Variants in MTIF2 observed in about 807,000 individuals in gnomAD.
MTIF2 encodes the protein translation initiation factor IF-2, mitochondrial.
MTIF2 carries 71 observed loss-of-function variants against 83.5 expected under a neutral mutation model. The ratio of observed to expected loss-of-function variants is 0.85; its 90% CI spans 0.70 to 1.04. The LOEUF is 1.04. Among genes scored for constraint, MTIF2 ranks in the 50% least tolerant of loss-of-function variants. The pLI, the probability that MTIF2 is intolerant of heterozygous loss-of-function variation, is 0.00. For synonymous variants in MTIF2, 319 were observed against 287.1 expected (o/e 1.11, Z -1.12); for missense variants, 957 against 846.5 (o/e 1.13, Z -1.62).
At chr2:55,254,426 T>G (rs892369191) in intron 6 of MTIF2, among the ~76,000 whole-genome samples, 1 of 152,174 alleles carries the variant, frequency 6.6e-6, no homozygotes, top group South Asian at 2.1e-4. Context: ...TGAATCAAAT[T>G]TGAAAATTCA....
Position 55,262,447 on chromosome 2 carries a change from A to C in MTIF2, c.220-20T>G. ...TTCTTCCTATTAAAAAAATCAGAAC[A>C]TATAAACAAAAAGGAAGAAAAAACT... On this transcript the variant is annotated intron_variant, in intron 4 of 15. Coordinates refer to ENST00000263629, the MANE Select transcript of MTIF2 (RefSeq NM_002453.3). 1 of 1,530,690 alleles carries C rather than the reference A, an allele frequency of 6.5e-7. No homozygotes were observed. Among genetic ancestry groups the C allele is most frequent in the Non-Finnish European group, 9.0e-7 (1 of 1,115,620 alleles). The allele number at this position is 1,530,690 out of a possible 1,614,324, so 94.8% of individuals were successfully genotyped here.
chr2:55,262,047 T>C (rs1388886006), intron 5 of MTIF2, among the ~76,000 whole-genome samples: 2 of 151,812 alleles, frequency 1.3e-5, no homozygotes, highest in Non-Finnish European at 2.9e-5. Context: ...TTTATTCTAA[T>C]AGCCCACAAA....
At chr2:55,244,579 A>G (rs1045448119) in intron 10 of MTIF2, among the ~76,000 whole-genome samples, 2 of 152,212 alleles carry the variant, frequency 1.3e-5, no homozygotes, top group African/African-American at 4.8e-5. Context: ...TCCAAAGAAA[A>G]TGTGGATTTT....
At position 55,244,246 on chromosome 2, in the gene MTIF2, T is replaced by C. The variant is rs61109509; in HGVS notation, c.1107-13A>G. 0.13 allele frequency: 201,732 copies of C among 1,582,130 alleles called. 14,168 individuals carry two copies. Among genetic ancestry groups the C allele is most frequent in the East Asian group, 0.29 (12,879 of 44,616 alleles). On this transcript the variant is annotated splice_polypyrimidine_tract_variant and intron_variant, in intron 10 of 15. Transcript: ENST00000263629. ...TGTAGTAACAAGACTAAAATGAAAA[T>C]AAAAGTATATTTTCAATGTCATAAT...
At chr2:55,262,811 C>A (rs1311586914) in intron 4 of MTIF2, among the ~76,000 whole-genome samples, 1 of 152,124 alleles carries the variant, frequency 6.6e-6, no homozygotes, top group African/African-American at 2.4e-5. Flanking sequence ...TCACTGAAAC[C>A]TCCACCTCCC....
In MTIF2 at chr2:55,264,856, C is replaced by T. The variant is rs139058616; in HGVS notation, c.-7-991G>A. Among the ~76,000 whole-genome samples, 1,095 of 152,196 alleles carry T rather than the reference C, an allele frequency of 7.2e-3. 2 individuals are homozygous for T. The highest frequency in any genetic ancestry group is 0.011 in the Non-Finnish European group (769 of 68,014). On this transcript the variant is annotated intron_variant, in intron 3 of 15. Coordinates refer to ENST00000263629, the MANE Select transcript of MTIF2 (RefSeq NM_002453.3). The stretch of plus-strand genomic sequence containing the variant: ...TTAGTAATATAGTTCTTTTCCTCCC[C>T]GTGGCCTCTATTGCCTCTGCTCTCA...
At chr2:55,257,760 A>G (rs1428583815) in intron 5 of MTIF2, among the ~76,000 whole-genome samples, 1 of 152,182 alleles carries the variant, frequency 6.6e-6, no homozygotes, top group Non-Finnish European at 1.5e-5. Context: ...GTAAAATGCA[A>G]TAAAATAACT....
intron 13 of MTIF2, among the ~76,000 whole-genome samples, chr2:55,241,829 G>A (rs1676336819): frequency 6.6e-6 from 1 of 151,786 alleles, no homozygotes; most frequent in African/African-American, 2.4e-5. Flanking sequence ...GTTGACAAAA[G>A]CAAAACTCCG....
At chr2:55,241,396 C>T (rs1490969040) in intron 13 of MTIF2, among the ~76,000 whole-genome samples, 39 of 139,800 alleles carry the variant, frequency 2.8e-4, no homozygotes, top group Non-Finnish European at 5.7e-4. Flanking sequence ...CCAGCCTGGG[C>T]GACAGAGCAA....
rs138931176 is a variant in MTIF2 at position 55,243,476 on chromosome 2, G to A, written c.1504C>T (p.Pro502Ser). 1,053 of 1,613,678 alleles carry A rather than the reference G, an allele frequency of 6.5e-4. No homozygotes were observed. Among genetic ancestry groups the A allele is most frequent in the Middle Eastern group, 1.3e-3 (8 of 6,058 alleles). The change falls in exon 12 of 16, where the codon CCC becomes TCC. Residue 502 changes from proline to serine, a missense_variant. Physicochemically the swap from Pro to Ser is moderately conservative, Grantham distance 74. Around this residue, in one of 3 missense-constraint regions of MTIF2, gnomAD observed 733 missense variants for 648.7 expected, o/e 1.13. Transcript: ENST00000263629. ...TCCCTTTTCTCTTTTGGCTTTAAGG[G>A]TATTTGTTCTTTTCTTTCTAAAAAC... ...LRFLERKEQI[P>S]LKPKEKRERD...
At chr2:55,241,183 C>T (rs999035772) in intron 13 of MTIF2, among the ~76,000 whole-genome samples, 1 of 150,960 alleles carries the variant, frequency 6.6e-6, no homozygotes, top group Non-Finnish European at 1.5e-5. Context: ...TTTGGGAGGC[C>T]GAGGTGGGTG....
chr2:55,248,621 A>G (rs1357916661), intron 9 of MTIF2, among the ~76,000 whole-genome samples: 2 of 152,232 alleles, frequency 1.3e-5, no homozygotes, highest in African/African-American at 4.8e-5. Flanking sequence ...TGGTAATCTT[A>G]AAGAAAATGG....
Position 55,248,335 on chromosome 2 carries a change from A to G in MTIF2, c.981+1060T>C, listed in dbSNP as rs539497320. On this transcript the variant is annotated intron_variant, in intron 9 of 15. Coordinates refer to ENST00000263629, the MANE Select transcript of MTIF2 (RefSeq NM_002453.3). ...GCACAGTTTTACTATTAATGGACGC[A>G]TAATTTCTAACTATCTTGGAGGTAA... 1.1e-4 allele frequency among the ~76,000 whole-genome samples: 17 copies of G among 152,362 alleles called. No homozygotes were observed. The East Asian group carries it at 3.3e-3, about 29-fold the overall frequency.
At chr2:55,261,451 A>G (rs2104452426) in intron 5 of MTIF2, among the ~76,000 whole-genome samples, 1 of 151,982 alleles carries the variant, frequency 6.6e-6, no homozygotes, top group East Asian at 2.0e-4. Context: ...ACTAAAAAAA[A>G]AAAAAATTAG....
At chr2:55,240,260 T>C in intron 13 of MTIF2, 85 bp from the exon 14 acceptor site, 1 of 1,256,072 alleles carries the variant, frequency 8.0e-7, no homozygotes, top group Non-Finnish European at 1.1e-6. Flanking sequence ...AACTTGAATC[T>C]AAATTGTTTT....
At chr2:55,252,241 T>C (rs1402658975) in intron 8 of MTIF2, among the ~76,000 whole-genome samples, 1 of 152,190 alleles carries the variant, frequency 6.6e-6, no homozygotes, top group Non-Finnish European at 1.5e-5. Flanking sequence ...AAAAAGGGCA[T>C]AGTAGAGGAA....
chr2:55,238,633 C>T (rs183415413), intron 14 of MTIF2, among the ~76,000 whole-genome samples: 19 of 152,160 alleles, frequency 1.2e-4, no homozygotes, highest in African/African-American at 1.9e-4. Context: ...TCAGGTGATC[C>T]GCCCGCCTCG....
Position 55,237,397 on chromosome 2 carries a change from T to TA in MTIF2, c.1901dup (p.Thr635AsnfsTer26). On this transcript the variant is annotated frameshift_variant, in exon 15 of 16. Coordinates refer to ENST00000263629, the MANE Select transcript of MTIF2 (RefSeq NM_002453.3). LOFTEE classifies it high-confidence loss of function. ...CAGGAACTTTTTTCTTCCCTTCTGT[T>TA]ACAGAGAAGGTAGCTAGTATAGATG... The TA allele has an allele frequency of 6.2e-7, 1 of 1,612,638 alleles. No homozygotes were observed. The highest frequency in any genetic ancestry group is 8.5e-7 in the Non-Finnish European group (1 of 1,179,790).
chr2:55,256,303 C>T (rs967608546), intron 5 of MTIF2, among the ~76,000 whole-genome samples: 17 of 6,152 alleles, frequency 2.8e-3, no homozygotes, highest in African/African-American at 3.4e-3. Context: ...CACACATATA[C>T]ACACACACAC....
Sources: allele counts gnomAD v4.1 joint callset (sites outside exome capture counted in the v4.1 genomes callset), GRCh38; gene constraint gnomAD v4.1.1; regional missense constraint gnomAD v4.1.1; transcripts MANE v1.5; gene names NCBI Gene and HGNC (gene_info 2026-07-23, HGNC 2026-07-21).